TEX11: variants seen among roughly 807,000 people sequenced by gnomAD.
TEX11 encodes the protein testis expressed 11.
A neutral mutation model predicts 84.4 loss-of-function variants in TEX11; 7 were observed. That is an observed-to-expected ratio of 0.08 (90% CI 0.05 to 0.16). TEX11 has a LOEUF of 0.16. Ranked by LOEUF, TEX11 falls within the 10% of genes least tolerant of loss-of-function variation. TEX11 has a pLI of 1.00. For synonymous variants in TEX11, 264 were observed against 222.8 expected (o/e 1.18, Z -1.64); for missense variants, 551 against 660.5 (o/e 0.83, Z 1.82).
At chrX:70,741,213 A>G (rs1442530730) in intron 10 of TEX11, among the ~76,000 whole-genome samples, 8 of 111,570 alleles carry the variant, frequency 7.2e-5, no homozygotes, top group Non-Finnish European at 1.1e-4. Flanking sequence ...TGGAGTAAAT[A>G]TGGCATTTCT....
chrX:70,673,760 C>T (rs2090044827), intron 15 of TEX11, among the ~76,000 whole-genome samples: 2 of 111,389 alleles, frequency 1.8e-5, no homozygotes, highest in African/African-American at 6.5e-5. Flanking sequence ...GTTTTCCATT[C>T]TGTTCCATTG....
At chrX:70,603,435 A>G (rs1303516744) in intron 24 of TEX11, among the ~76,000 whole-genome samples, 1 of 105,052 alleles carries the variant, frequency 9.5e-6, no homozygotes, top group African/African-American at 3.4e-5. Flanking sequence ...CAAACCTGAG[A>G]AAAACAAGCA....
intron 9 of TEX11, among the ~76,000 whole-genome samples, chrX:70,759,885 C>T (rs1000959932): frequency 2.7e-5 from 3 of 111,833 alleles, no homozygotes; most frequent in East Asian, 2.8e-4. Context: ...AGCCCTAAAT[C>T]TCCTTAAACT....
intron 11 of TEX11, among the ~76,000 whole-genome samples, chrX:70,732,600 T>G (rs146099658): frequency 9.0e-6 from 1 of 110,957 alleles, no homozygotes; most frequent in East Asian, 2.8e-4. Context: ...ACAAAAGACA[T>G]GAAGGACCTC....
chrX:70,702,348 C>T (rs1310298921), intron 13 of TEX11, among the ~76,000 whole-genome samples: 1 of 111,636 alleles, frequency 9.0e-6, no homozygotes, highest in East Asian at 2.8e-4. Context: ...TCACTGAAGG[C>T]TCAGATTATT....
intron 24 of TEX11, among the ~76,000 whole-genome samples, chrX:70,604,422 G>A (rs1378978207): frequency 9.0e-6 from 1 of 110,747 alleles, no homozygotes; most frequent in Non-Finnish European, 1.9e-5. Context: ...TCTTAAAAGA[G>A]GGCCCCCTTT....
chrX:70,835,482 G>A (rs1484279722), intron 7 of TEX11, among the ~76,000 whole-genome samples: 2 of 112,243 alleles, frequency 1.8e-5, no homozygotes, highest in Admixed American at 9.5e-5. Flanking sequence ...CCTTTTGTGA[G>A]CATCAGACTC....
intron 8 of TEX11, among the ~76,000 whole-genome samples, chrX:70,807,130 C>T (rs2091223931): frequency 8.9e-6 from 1 of 112,093 alleles, no homozygotes; most frequent in East Asian, 2.8e-4. Context: ...ATTGCCCAGC[C>T]AAAGGGCAGG....
At chrX:70,872,634 G>A (rs1882490637) in intron 4 of TEX11, among the ~76,000 whole-genome samples, 2 of 112,296 alleles carry the variant, frequency 1.8e-5, no homozygotes, top group Admixed American at 1.9e-4. Flanking sequence ...TTGCCAGACA[G>A]TGGACCACAT....
At chrX:70,752,200 A>G (rs1407615731) in intron 9 of TEX11, among the ~76,000 whole-genome samples, 1 of 112,030 alleles carries the variant, frequency 8.9e-6, no homozygotes. Context: ...CAATAATTAT[A>G]ACCATGCATA....
intron 5 of TEX11, among the ~76,000 whole-genome samples, chrX:70,855,893 C>T (rs1459784861): frequency 9.0e-6 from 1 of 111,582 alleles, no homozygotes; most frequent in Non-Finnish European, 1.9e-5. Flanking sequence ...TTGCTGACAC[C>T]TTAATCTTGA....
At chrX:70,655,419 A>T (rs974774179) in intron 16 of TEX11, among the ~76,000 whole-genome samples, 2 of 111,729 alleles carry the variant, frequency 1.8e-5, no homozygotes, top group African/African-American at 3.3e-5. Context: ...CCTTTACATC[A>T]TTATAAAATC....
At chrX:70,734,496 T>G (rs1394496183) in intron 11 of TEX11, among the ~76,000 whole-genome samples, 1 of 111,489 alleles carries the variant, frequency 9.0e-6, no homozygotes, top group African/African-American at 3.3e-5. Context: ...AGGTAACAAA[T>G]GAGCAAACTG....
intron 8 of TEX11, among the ~76,000 whole-genome samples, chrX:70,813,430 G>C (rs1277179345): frequency 9.0e-6 from 1 of 111,563 alleles, no homozygotes; most frequent in African/African-American, 3.3e-5. Context: ...AATAAATTAG[G>C]TATTGATGGG....
intron 28 of TEX11, among the ~76,000 whole-genome samples, chrX:70,541,552 C>T (rs761058416): frequency 9.0e-6 from 1 of 111,554 alleles, no homozygotes; most frequent in South Asian, 3.8e-4. Flanking sequence ...GCCAGAAGTT[C>T]GAGACCAGCC....
chrX:70,712,866 G>A (rs1325204119), intron 13 of TEX11, among the ~76,000 whole-genome samples: 8 of 111,436 alleles, frequency 7.2e-5, no homozygotes, highest in African/African-American at 2.6e-4. Context: ...CCTGTCTTGT[G>A]CCGGTTTTCA....
chrX:70,535,404 C>T (rs1235535330), intron 28 of TEX11, among the ~76,000 whole-genome samples: 2 of 111,589 alleles, frequency 1.8e-5, no homozygotes, highest in East Asian at 5.6e-4. Context: ...AAAGCTAGAA[C>T]AATATGAACA....
chrX:70,575,028 G>A (rs751970933), intron 25 of TEX11, among the ~76,000 whole-genome samples: 5 of 111,198 alleles, frequency 4.5e-5, no homozygotes, highest in Non-Finnish European at 7.5e-5. Context: ...TCTAAGGACC[G>A]GATTATCTAT....
At chrX:70,700,901 C>T (rs2090320658) in intron 13 of TEX11, among the ~76,000 whole-genome samples, 1 of 112,002 alleles carries the variant, frequency 8.9e-6, no homozygotes, top group Admixed American at 9.5e-5. Flanking sequence ...AGATCAACCC[C>T]AGCCACAGCA....
Sources: gnomAD v4.1 joint callset for allele counts (sites outside exome capture counted in the v4.1 genomes callset) on GRCh38, gnomAD v4.1.1 for gene constraint, MANE v1.5 for transcripts, NCBI Gene and HGNC (gene_info 2026-07-23, HGNC 2026-07-21) for gene names.